Variants in ABLIM3 observed in about 807,000 individuals in gnomAD.
ABLIM3 encodes the protein actin binding LIM protein family member 3, also known as actin-binding LIM protein 3.
Under a neutral mutation model 109.5 loss-of-function variants are expected in ABLIM3, and 61 were observed. The ratio of observed to expected loss-of-function variants is 0.56; its 90% CI spans 0.45 to 0.69. The LOEUF (loss-of-function observed/expected upper bound fraction) is 0.69, where lower values mean the gene tolerates loss of function less well. Among genes scored for constraint, ABLIM3 ranks in the 30% least tolerant of loss-of-function variants. The pLI is 0.00. For synonymous variants in ABLIM3, 300 were observed against 324.8 expected (o/e 0.92, Z 0.82); for missense variants, 796 against 889.5 (o/e 0.89, Z 1.34).
intron 2 of ABLIM3, among the ~76,000 whole-genome samples, chr5:149,146,146 G>A (rs1286838274): frequency 6.6e-6 from 1 of 151,894 alleles, no homozygotes; most frequent in African/African-American, 2.4e-5. Context: ...AATGGTTTTT[G>A]GGGGCGTGGG....
At chr5:149,182,510 A>C (rs1220355616) in intron 2 of ABLIM3, among the ~76,000 whole-genome samples, 1 of 152,344 alleles carries the variant, frequency 6.6e-6, no homozygotes, top group African/African-American at 2.4e-5. Context: ...CATTCCTTCC[A>C]ACCCTGAGAT....
chr5:149,152,887 G>A (rs954727903), intron 2 of ABLIM3, among the ~76,000 whole-genome samples: 4 of 152,058 alleles, frequency 2.6e-5, no homozygotes, highest in Admixed American at 6.6e-5. Context: ...TCCTGCTTGA[G>A]AAAGTAGATC....
chr5:149,184,895 T>G (rs1004812316), intron 3 of ABLIM3, among the ~76,000 whole-genome samples: 2 of 152,204 alleles, frequency 1.3e-5, no homozygotes, highest in Non-Finnish European at 2.9e-5. Flanking sequence ...CTAATTTGTT[T>G]ATAGATGCAT....
chr5:149,247,692 G>A (rs771624565), intron 17 of ABLIM3, 90 bp from the exon 18 acceptor site: 3 of 1,537,614 alleles, frequency 2.0e-6, no homozygotes, highest in Non-Finnish European at 2.7e-6. Context: ...CTGCTATGGA[G>A]GATGTGATCC....
intron 5 of ABLIM3, among the ~76,000 whole-genome samples, chr5:149,202,043 G>C (rs527358599): frequency 1.3e-5 from 2 of 152,364 alleles, no homozygotes; most frequent in East Asian, 3.9e-4. Flanking sequence ...TACAGAGTGA[G>C]GGATGATATT....
At chr5:149,201,312 A>T (rs553804287) in intron 5 of ABLIM3, among the ~76,000 whole-genome samples, 1 of 152,058 alleles carries the variant, frequency 6.6e-6, no homozygotes, top group African/African-American at 2.4e-5. Context: ...ATGTTATATG[A>T]CACTCTCACT....
intron 7 of ABLIM3, among the ~76,000 whole-genome samples, chr5:149,213,497 C>G (rs759277999): frequency 6.6e-6 from 1 of 152,160 alleles, no homozygotes; most frequent in Non-Finnish European, 1.5e-5. Context: ...TCAGAAGAGT[C>G]GTTTGTTGGC....
intron 2 of ABLIM3, among the ~76,000 whole-genome samples, chr5:149,166,883 A>G (rs1290840776): frequency 6.6e-6 from 1 of 152,142 alleles, no homozygotes. Flanking sequence ...TTCCAATAAA[A>G]CTTTATTTAC....
chr5:149,252,903 T>G lies in ABLIM3; in HGVS notation c.1938+66T>G, dbSNP rs1436799719. ...AAATTTCAGAAGTTGCTTGGTATAA[T>G]CCAGCTCAAGAGGGCTGGGTGGAAT... On this transcript the variant is annotated intron_variant, in intron 23 of 23. Coordinates refer to ENST00000309868, the MANE Select transcript of ABLIM3 (RefSeq NM_014945.5). The G allele has an allele frequency of 7.6e-6, 10 of 1,310,882 alleles. No homozygotes were observed. The East Asian group carries it at 2.3e-4, about 31-fold the overall frequency. 81.2% of individuals were successfully genotyped at this position (1,310,882 alleles called of 1,614,324 possible).
rs529820376 is a variant in ABLIM3, at chr5:149,246,401, T to C, written c.1487-81T>C. 1.2e-5 allele frequency: 17 copies of C among 1,374,460 alleles called. No individual in the cohort carries two copies. In the South Asian group the frequency reaches 2.2e-4, roughly 18 times the overall value. The allele number at this position is 1,374,460 out of a possible 1,614,324, so 85.1% of individuals were successfully genotyped here. A position where few individuals can be genotyped will look rare whatever the true frequency, so the allele number is the denominator to read the frequency against. On this transcript the variant is annotated intron_variant, in intron 16 of 23. Coordinates refer to ENST00000309868, the MANE Select transcript of ABLIM3 (RefSeq NM_014945.5). ...GATTAAAAAGAAAGAAAAGTGGCTT[T>C]TCTTTTTTAAAAAAAAAATGCCTTA...
At chr5:149,233,602 T>C (rs986151064) in intron 10 of ABLIM3, among the ~76,000 whole-genome samples, 5 of 152,066 alleles carry the variant, frequency 3.3e-5, no homozygotes, top group African/African-American at 1.2e-4. Flanking sequence ...CTAAAACCAA[T>C]GCAAGGTGCC....
intron 7 of ABLIM3, 123 bp downstream of exon 7, chr5:149,210,942 T>G: frequency 1.2e-6 from 1 of 867,220 alleles, no homozygotes; most frequent in Non-Finnish European, 1.9e-6. Flanking sequence ...TCCTCCACCT[T>G]TGCTTGCTAC....
At chr5:149,224,725 T>C (rs975231053) in intron 8 of ABLIM3, among the ~76,000 whole-genome samples, 1 of 152,176 alleles carries the variant, frequency 6.6e-6, no homozygotes, top group African/African-American at 2.4e-5. Flanking sequence ...CCAACACTTA[T>C]ATAGTCCCTG....
intron 8 of ABLIM3, chr5:149,220,556 T>G (rs1368758099): frequency 6.6e-6 from 1 of 152,172 alleles, no homozygotes; most frequent in African/African-American, 2.4e-5. Flanking sequence ...TCACTTGGGC[T>G]GTGAGTGTCT....
chr5:149,255,267 C>A (rs1434698849), intron 23 of ABLIM3, among the ~76,000 whole-genome samples: 1 of 152,222 alleles, frequency 6.6e-6, no homozygotes, highest in East Asian at 1.9e-4. Context: ...CCCTTGAGGG[C>A]AGGGAGCAAA....
intron 2 of ABLIM3, among the ~76,000 whole-genome samples, chr5:149,179,988 A>G (rs947600331): frequency 1.2e-4 from 19 of 152,326 alleles, no homozygotes; most frequent in African/African-American, 4.6e-4. Flanking sequence ...TAATGTTAAA[A>G]GAAGCCAGAG....
chr5:149,164,163 T>C (rs1754627850), intron 2 of ABLIM3: 1 of 152,226 alleles, frequency 6.6e-6, no homozygotes, highest in Admixed American at 6.5e-5. Flanking sequence ...TGATTTCCAT[T>C]ACAGCGTTGT....
intron 2 of ABLIM3, among the ~76,000 whole-genome samples, chr5:149,160,989 C>T (rs1386185862): frequency 6.6e-6 from 1 of 152,228 alleles, no homozygotes; most frequent in Non-Finnish European, 1.5e-5. Context: ...CATGGGGCTT[C>T]TTAGCCCTAA....
intron 23 of ABLIM3, among the ~76,000 whole-genome samples, chr5:149,253,055 G>C (rs1325355606): frequency 6.6e-6 from 1 of 151,378 alleles, no homozygotes; most frequent in Non-Finnish European, 1.5e-5. Context: ...GCCCCATGCT[G>C]TTCCCCCAAA....
Sources: gnomAD v4.1 joint callset for allele counts (sites outside exome capture counted in the v4.1 genomes callset) on GRCh38, gnomAD v4.1.1 for gene constraint, MANE v1.5 for transcripts, NCBI Gene and HGNC (gene_info 2026-07-23, HGNC 2026-07-21) for gene names.